Variants in SLC1A3 observed in about 807,000 individuals in gnomAD.
SLC1A3 encodes solute carrier family 1 member 3, also known as excitatory amino acid transporter 1.
Under a neutral mutation model 48.1 loss-of-function variants are expected in SLC1A3, and 21 were observed. The observed-to-expected ratio is 0.44, with a 90% confidence interval of 0.31 to 0.63. SLC1A3 has a LOEUF of 0.63. SLC1A3 is among the 20% of genes least tolerant of loss of function. SLC1A3 has a pLI of 0.08. For missense variants in SLC1A3, 546 were observed against 689.0 expected (o/e 0.79, Z 2.32); for synonymous variants, 239 against 251.4 (o/e 0.95, Z 0.47).
intron 2 of SLC1A3, among the ~76,000 whole-genome samples, chr5:36,621,395 G>T (rs1474797294): frequency 6.6e-6 from 1 of 152,132 alleles, no homozygotes; most frequent in African/African-American, 2.4e-5. Flanking sequence ...GGTGGATCTA[G>T]GGGGGCTTGC....
chr5:36,646,510 G>A (rs1169848795), intron 3 of SLC1A3, among the ~76,000 whole-genome samples: 2 of 152,172 alleles, frequency 1.3e-5, no homozygotes, highest in African/African-American at 4.8e-5. Context: ...AGGTCTATGT[G>A]TCAGCTTTGT....
At chr5:36,628,677 A>T (rs1330789668) in intron 2 of SLC1A3, among the ~76,000 whole-genome samples, 1 of 152,236 alleles carries the variant, frequency 6.6e-6, no homozygotes, top group Non-Finnish European at 1.5e-5. Context: ...TTCAGTAGTT[A>T]TCATGCATAA....
At chr5:36,622,224 G>A (rs1451860943) in intron 2 of SLC1A3, among the ~76,000 whole-genome samples, 1 of 152,172 alleles carries the variant, frequency 6.6e-6, no homozygotes, top group African/African-American at 2.4e-5. Context: ...TAGTTTTCTC[G>A]TGGTTGGCCT....
intron 3 of SLC1A3, among the ~76,000 whole-genome samples, chr5:36,665,630 A>G (rs751482159): frequency 6.6e-5 from 10 of 152,236 alleles, no homozygotes; most frequent in Non-Finnish European, 1.2e-4. Flanking sequence ...GCTGAACACT[A>G]CTTTAAGTGC....
chr5:36,626,566 T>C (rs1027602891), intron 2 of SLC1A3, among the ~76,000 whole-genome samples: 5 of 152,220 alleles, frequency 3.3e-5, no homozygotes, highest in African/African-American at 1.2e-4. Context: ...GCCCCTTGTG[T>C]TTATCATGCA....
At chr5:36,642,080 C>T (rs1457949974) in intron 3 of SLC1A3, among the ~76,000 whole-genome samples, 2 of 152,152 alleles carry the variant, frequency 1.3e-5, no homozygotes, top group Non-Finnish European at 2.9e-5. Flanking sequence ...TGAGAGAATT[C>T]AATCTATTAA....
Position 36,687,960 on chromosome 5 carries a change from A to G in SLC1A3, c.*1691A>G, listed in dbSNP as rs1213449394. On this transcript the variant is annotated 3_prime_UTR_variant, in exon 10 of 10. Coordinates refer to ENST00000265113, the MANE Select transcript of SLC1A3 (RefSeq NM_004172.5). The stretch of plus-strand genomic sequence containing the variant: ...TGCTAACAAACTGAAAAATCTAGAC[A>G]TAGATCCTCTGATATACAATTAGAG... 2.0e-5 allele frequency: 3 copies of G among 152,314 alleles called. No individual in the cohort carries two copies. The highest frequency in any genetic ancestry group is 7.2e-5 in the African/African-American group (3 of 41,470). The allele number at this position is 152,314 out of a possible 1,614,324, so 9.4% of individuals were successfully genotyped here. A position where few individuals can be genotyped will look rare whatever the true frequency, so the allele number is the denominator to read the frequency against.
At chr5:36,669,616 T>G (rs955295487) in intron 3 of SLC1A3, 3 of 152,242 alleles carry the variant, frequency 2.0e-5, no homozygotes, top group African/African-American at 7.2e-5. Context: ...AATAAGAACA[T>G]ATGAAATACT....
At chr5:36,619,520 G>C (rs1347391872) in intron 2 of SLC1A3, among the ~76,000 whole-genome samples, 7 of 151,920 alleles carry the variant, frequency 4.6e-5, no homozygotes, top group Admixed American at 4.6e-4. Flanking sequence ...CGCACCTGTA[G>C]TCCTTGCTAC....
intron 3 of SLC1A3, among the ~76,000 whole-genome samples, chr5:36,649,581 G>C (rs887965757): frequency 2.0e-5 from 3 of 152,104 alleles, no homozygotes; most frequent in African/African-American, 7.2e-5. Flanking sequence ...ATTTCTTTTA[G>C]GAACTTCACT....
chr5:36,671,772 A>G (rs1229697311), intron 4 of SLC1A3, among the ~76,000 whole-genome samples: 4 of 152,264 alleles, frequency 2.6e-5, no homozygotes, highest in African/African-American at 7.2e-5. Context: ...TAATAAAAGA[A>G]TAAAGGATGG....
Position 36,685,642 on chromosome 5 carries a change from C to T in SLC1A3, c.1425-423C>T, listed in dbSNP as rs537451848. Reference sequence around the variant, plus strand: ...TTTTGCAAGTTTTCTTAATGTCTGGCTTAATACAAGACAGTTGGAGTTTCC... The same window carrying T: ...TTTTGCAAGTTTTCTTAATGTCTGGTTTAATACAAGACAGTTGGAGTTTCC... On this transcript the variant is annotated intron_variant, in intron 9 of 9. Transcript: ENST00000265113. Among the ~76,000 whole-genome samples the T allele has an allele frequency of 4.6e-5, 7 of 152,328 alleles. No individual in the cohort carries two copies. In the East Asian group the frequency reaches 1.2e-3, roughly 25 times the overall value.
At chr5:36,626,038 C>T (rs754884495) in intron 2 of SLC1A3, among the ~76,000 whole-genome samples, 1 of 152,178 alleles carries the variant, frequency 6.6e-6, no homozygotes, top group African/African-American at 2.4e-5. Context: ...ACACATTACC[C>T]AGAATTCATT....
chr5:36,656,434 T>G (rs984961093), intron 3 of SLC1A3, among the ~76,000 whole-genome samples: 2 of 152,344 alleles, frequency 1.3e-5, no homozygotes, highest in Non-Finnish European at 2.9e-5. Context: ...AGTGCATTTG[T>G]TCCCTTAAGT....
At chr5:36,655,812 C>G (rs202002746) in intron 3 of SLC1A3, among the ~76,000 whole-genome samples, 6 of 152,292 alleles carry the variant, frequency 3.9e-5, no homozygotes, top group East Asian at 1.9e-4. Flanking sequence ...TTAATTTTGA[C>G]TTTTTGATGA....
intron 2 of SLC1A3, among the ~76,000 whole-genome samples, chr5:36,613,648 C>T (rs1045841537): frequency 2.6e-5 from 4 of 152,162 alleles, no homozygotes; most frequent in African/African-American, 4.8e-5. Flanking sequence ...TTCAGACTTA[C>T]GGTTTCTTCA....
At chr5:36,618,933 G>T (rs1427076349) in intron 2 of SLC1A3, among the ~76,000 whole-genome samples, 2 of 151,972 alleles carry the variant, frequency 1.3e-5, no homozygotes, top group African/African-American at 2.4e-5. Flanking sequence ...AGCCTTTTTT[G>T]GTGCAGTTTT....
At chr5:36,655,668 T>C (rs964860940) in intron 3 of SLC1A3, among the ~76,000 whole-genome samples, 15 of 152,218 alleles carry the variant, frequency 9.9e-5, no homozygotes, top group Non-Finnish European at 1.9e-4. Context: ...CTTTGCCTTA[T>C]CAAAAGGCCA....
At chr5:36,678,721 C>G (rs1385359473) in intron 6 of SLC1A3, among the ~76,000 whole-genome samples, 1 of 152,190 alleles carries the variant, frequency 6.6e-6, no homozygotes, top group Non-Finnish European at 1.5e-5. Context: ...GGCCTTTAAG[C>G]AAACTCTAGG....
Sources: allele counts gnomAD v4.1 joint callset (sites outside exome capture counted in the v4.1 genomes callset), GRCh38; gene constraint gnomAD v4.1.1; transcripts MANE v1.5; gene names NCBI Gene and HGNC (gene_info 2026-07-23, HGNC 2026-07-21).